NDUFAF6: variants seen among roughly 807,000 people sequenced by gnomAD.
NDUFAF6 encodes NADH:ubiquinone oxidoreductase complex assembly factor 6, also known as NADH dehydrogenase (ubiquinone) complex I, assembly factor 6.
NDUFAF6 carries 45 observed loss-of-function variants against 40.8 expected under a neutral mutation model. The observed-to-expected ratio is 1.10, with a 90% CI of 0.87 to 1.42. The LOEUF (loss-of-function observed/expected upper bound fraction) is 1.42, where lower values mean the gene tolerates loss of function less well. Ranked by LOEUF, NDUFAF6 falls within the 40% of genes most tolerant of loss-of-function variation. The pLI, the probability that NDUFAF6 is intolerant of heterozygous loss-of-function variation, is 0.00. For synonymous variants in NDUFAF6, 185 were observed against 155.9 expected (o/e 1.19, Z -1.39); for missense variants, 435 against 418.5 (o/e 1.04, Z -0.34).
At chr8:94,940,269 A>G in intron 1 of NDUFAF6, 1 of 1,537,202 alleles carries the variant, frequency 6.5e-7, no homozygotes, top group Non-Finnish European at 8.7e-7. Flanking sequence ...GAAGAGTCCC[A>G]CAGGAGGATG....
At chr8:94,915,120 A>T (rs952053721) in intron 1 of NDUFAF6, among the ~76,000 whole-genome samples, 3 of 146,758 alleles carry the variant, frequency 2.0e-5, no homozygotes, top group Admixed American at 6.8e-5. Flanking sequence ...CGCATCTTAA[A>T]TTTTTTTTTT....
intron 2 of NDUFAF6, among the ~76,000 whole-genome samples, chr8:95,082,913 C>T (rs1808925203): frequency 6.6e-6 from 1 of 152,140 alleles, no homozygotes; most frequent in African/African-American, 2.4e-5. Flanking sequence ...CCCGCCTCGG[C>T]CTCCCAAAGT....
At chr8:95,026,929 C>T (rs1326191339) in intron 1 of NDUFAF6, among the ~76,000 whole-genome samples, 1 of 150,378 alleles carries the variant, frequency 6.6e-6, no homozygotes, top group Non-Finnish European at 1.5e-5. Flanking sequence ...AGCCTGTGGT[C>T]CCAGCTACTG....
chr8:94,944,017 A>G (rs1255040822), intron 1 of NDUFAF6, among the ~76,000 whole-genome samples: 1 of 152,268 alleles, frequency 6.6e-6, no homozygotes, highest in East Asian at 1.9e-4. Context: ...TGATGTAAAT[A>G]AAGATTTTTG....
upstream of NDUFAF6, among the ~76,000 whole-genome samples, chr8:95,100,123 C>T (rs1030289800): frequency 6.6e-6 from 1 of 152,142 alleles, no homozygotes; most frequent in African/African-American, 2.4e-5. Flanking sequence ...CCCTACCTTT[C>T]TCCCCTCTTA....
chr8:94,966,602 T>C (rs778854600), intron 1 of NDUFAF6, among the ~76,000 whole-genome samples: 3 of 151,996 alleles, frequency 2.0e-5, no homozygotes, highest in Non-Finnish European at 4.4e-5. Context: ...TCTAAATAAA[T>C]AAATAAATAA....
chr8:95,028,057 G>C (rs562947204), intron 1 of NDUFAF6, among the ~76,000 whole-genome samples: 2 of 152,220 alleles, frequency 1.3e-5, no homozygotes, highest in African/African-American at 2.4e-5. Flanking sequence ...TCTTTACTTT[G>C]CTGCAATCTC....
At position 94,997,337 on chromosome 8, in the gene NDUFAF6, C is replaced by G. The variant is rs1051602611; in HGVS notation, c.-84+16364C>G. On this transcript the variant is annotated intron_variant, in intron 2 of 9. Coordinates refer to the NDUFAF6 transcript ENST00000396111. ...ACACACACACACACACACACACACA[C>G]ACACACAGAGAGAGAGAGAGAGAGA... 9.3e-3 allele frequency among the ~76,000 whole-genome samples: 1,252 copies of G among 134,310 alleles called. 23 individuals carry two copies. The highest frequency in any genetic ancestry group is 0.035 in the African/African-American group (1,141 of 33,060). The allele number at this position is 134,310 out of a possible 152,430, so 88.1% of individuals were successfully genotyped here. A position where few individuals can be genotyped will look rare whatever the true frequency, so the allele number is the denominator to read the frequency against.
intron 1 of NDUFAF6, among the ~76,000 whole-genome samples, chr8:94,913,977 A>G (rs1478872996): frequency 1.3e-5 from 2 of 151,996 alleles, no homozygotes; most frequent in Non-Finnish European, 2.9e-5. Context: ...TTTTTAATAG[A>G]GATGGGGTTT....
At chr8:95,013,480 T>C (rs1827310792) in intron 2 of NDUFAF6, among the ~76,000 whole-genome samples, 1 of 152,218 alleles carries the variant, frequency 6.6e-6, no homozygotes, top group Non-Finnish European at 1.5e-5. Context: ...CTGAGAAGTC[T>C]TGCTTTCTTC....
chr8:95,003,839 TG>T (rs1175798020), intron 2 of NDUFAF6, among the ~76,000 whole-genome samples: 1 of 152,234 alleles, frequency 6.6e-6, no homozygotes, highest in African/African-American at 2.4e-5. Flanking sequence ...CCATTTTAAG[TG>T]TGCAATTCAC....
intron 2 of NDUFAF6, among the ~76,000 whole-genome samples, chr8:95,090,427 A>T (rs1425741411): frequency 1.3e-5 from 2 of 151,948 alleles, no homozygotes; most frequent in Non-Finnish European, 2.9e-5. Context: ...CCTTTATCTC[A>T]TGTCTTTCCT....
At chr8:94,961,541 C>T (rs1054936327) in intron 1 of NDUFAF6, among the ~76,000 whole-genome samples, 6 of 152,220 alleles carry the variant, frequency 3.9e-5, no homozygotes, top group Non-Finnish European at 8.8e-5. Flanking sequence ...CCTGCCTCAG[C>T]CTCCCAGGTA....
chr8:95,012,131 A>G (rs1294150743), intron 2 of NDUFAF6, among the ~76,000 whole-genome samples: 1 of 152,204 alleles, frequency 6.6e-6, no homozygotes, highest in Non-Finnish European at 1.5e-5. Flanking sequence ...TCAACTGCAG[A>G]TGGGTAAAAA....
At chr8:95,048,672 T>C (rs1831088109) in intron 7 of NDUFAF6, 114 bp downstream of exon 7, 2 of 807,870 alleles carry the variant, frequency 2.5e-6, no homozygotes, top group East Asian at 5.3e-5. Context: ...CCATTTTTCA[T>C]TGATTTCCCA....
intron 1 of NDUFAF6, among the ~76,000 whole-genome samples, chr8:94,905,457 G>C (rs1818335269): frequency 6.6e-6 from 1 of 152,086 alleles, no homozygotes; most frequent in African/African-American, 2.4e-5. Context: ...GTTGTAGTGA[G>C]AGGCCTACTG....
At chr8:95,092,758 G>A (rs1304240584) in intron 2 of NDUFAF6, among the ~76,000 whole-genome samples, 3 of 151,922 alleles carry the variant, frequency 2.0e-5, no homozygotes, top group South Asian at 2.1e-4. Flanking sequence ...CTAATTTTTT[G>A]TATTTTTAGT....
intron 9 of NDUFAF6, among the ~76,000 whole-genome samples, chr8:95,070,069 T>C (rs1364992079): frequency 6.6e-6 from 1 of 151,610 alleles, no homozygotes; most frequent in East Asian, 1.9e-4. Context: ...GCAGGCATTT[T>C]TATTACCTTT....
downstream of NDUFAF6, chr8:95,058,722 C>G: frequency 1.0e-6 from 1 of 997,892 alleles, no homozygotes; most frequent in Non-Finnish European, 1.2e-6. Flanking sequence ...ACTGTACATT[C>G]TGCGCTATAC....
Sources: allele counts gnomAD v4.1 joint callset (sites outside exome capture counted in the v4.1 genomes callset), GRCh38; gene constraint gnomAD v4.1.1; transcripts MANE v1.5; gene names NCBI Gene and HGNC (gene_info 2026-07-23, HGNC 2026-07-21).